SPON1: variants seen among roughly 807,000 people sequenced by gnomAD.
The protein encoded by SPON1 is spondin 1.
Under a neutral mutation model 111.7 loss-of-function variants are expected in SPON1, and 52 were observed. That is an observed-to-expected ratio of 0.47 (90% CI 0.37 to 0.59). The LOEUF (loss-of-function observed/expected upper bound fraction) is 0.59, where lower values mean the gene tolerates loss of function less well. Ranked by LOEUF, SPON1 falls within the 20% of genes least tolerant of loss-of-function variation. The pLI is 0.00. For synonymous variants in SPON1, 410 were observed against 395.8 expected, an observed-to-expected ratio of 1.04 and a Z score of -0.43; for missense variants, 957 against 1,068.5, an observed-to-expected ratio of 0.90 and a Z score of 1.46.
At chr11:14,250,427 A>G (rs1591427130) in intron 7 of SPON1, among the ~76,000 whole-genome samples, 1 of 148,034 alleles carries the variant, frequency 6.8e-6, no homozygotes, top group African/African-American at 2.5e-5. Context: ...TATTACAGTT[A>G]ACTTAGCCCA....
At chr11:13,985,491 C>T (rs1310499112) in intron 2 of SPON1, among the ~76,000 whole-genome samples, 6 of 151,992 alleles carry the variant, frequency 3.9e-5, no homozygotes, top group African/African-American at 1.5e-4. Flanking sequence ...CCTAAGATGC[C>T]CAGCTCTAAG....
intron 3 of SPON1, among the ~76,000 whole-genome samples, chr11:14,067,841 T>C (rs1161832632): frequency 1.3e-5 from 2 of 152,200 alleles, no homozygotes; most frequent in Non-Finnish European, 2.9e-5. Flanking sequence ...AGGGAATGGA[T>C]GCTGGGTAGA....
chr11:14,005,996 G>A (rs1340434434), intron 2 of SPON1, among the ~76,000 whole-genome samples: 1 of 152,126 alleles, frequency 6.6e-6, no homozygotes, highest in Non-Finnish European at 1.5e-5. Flanking sequence ...CAATTAACAT[G>A]ATGTCTAACA....
intron 1 of SPON1, among the ~76,000 whole-genome samples, chr11:13,964,953 T>C (rs932616379): frequency 6.7e-6 from 1 of 149,562 alleles, no homozygotes; most frequent in Non-Finnish European, 1.5e-5. Context: ...GTGCAAGTCA[T>C]TTAATTTCTC....
intron 6 of SPON1, among the ~76,000 whole-genome samples, chr11:14,142,945 G>A (rs1257490942): frequency 1.3e-5 from 2 of 152,194 alleles, no homozygotes; most frequent in Non-Finnish European, 2.9e-5. Flanking sequence ...CCCAGTGTCA[G>A]GTGGTCTTTT....
At chr11:14,044,336 A>G (rs7102483) in intron 3 of SPON1, among the ~76,000 whole-genome samples, 61,292 of 152,094 alleles carry the variant, frequency 0.4, 13,290 homozygotes, top group South Asian at 0.57. Context: ...TCTTGGCTGG[A>G]CACAGTGGCT....
intron 1 of SPON1, among the ~76,000 whole-genome samples, chr11:13,969,011 A>T (rs1447413103): frequency 6.6e-6 from 1 of 152,130 alleles, no homozygotes; most frequent in African/African-American, 2.4e-5. Flanking sequence ...AAAACACAAT[A>T]TATCTTACTT....
intron 6 of SPON1, among the ~76,000 whole-genome samples, chr11:14,166,968 G>C (rs7479718): frequency 0.37 from 56,751 of 151,866 alleles, 11,079 homozygotes; most frequent in East Asian, 0.55. Context: ...AAATATTTTA[G>C]GGCAGCCACA....
At chr11:14,176,725 G>A (rs1554933120) in intron 6 of SPON1, among the ~76,000 whole-genome samples, 2 of 152,168 alleles carry the variant, frequency 1.3e-5, no homozygotes, top group East Asian at 3.8e-4. Context: ...CCCACCAGTA[G>A]AGAGAGTACC....
At chr11:14,225,351 A>G (rs1554938024) in intron 6 of SPON1, among the ~76,000 whole-genome samples, 1 of 152,160 alleles carries the variant, frequency 6.6e-6, no homozygotes. Flanking sequence ...GGAAAAATTT[A>G]TTATAAAAAT....
At chr11:14,234,062 A>G (rs11023156) in intron 6 of SPON1, among the ~76,000 whole-genome samples, 33,116 of 151,970 alleles carry the variant, frequency 0.22, 3,827 homozygotes, top group Admixed American at 0.32. Context: ...CCCGACCCCC[A>G]GTGCTGTTTC....
chr11:14,089,446 G>A (rs1849032606), intron 5 of SPON1, among the ~76,000 whole-genome samples: 2 of 152,134 alleles, frequency 1.3e-5, no homozygotes, highest in South Asian at 4.1e-4. Context: ...CTGTTCTCGT[G>A]GGTATCACCA....
intron 5 of SPON1, among the ~76,000 whole-genome samples, chr11:14,115,529 T>C (rs1370271593): frequency 3.9e-5 from 6 of 152,236 alleles, no homozygotes; most frequent in Admixed American, 6.5e-5. Context: ...ATCTGGCTTC[T>C]TTTGTTTATA....
intron 6 of SPON1, among the ~76,000 whole-genome samples, chr11:14,239,227 G>A (rs1848897775): frequency 6.6e-6 from 1 of 152,190 alleles, no homozygotes; most frequent in Non-Finnish European, 1.5e-5. Flanking sequence ...GGCAGCGCAA[G>A]TCAATTCTGA....
chr11:13,965,460 G>A (rs1848009037), intron 1 of SPON1, among the ~76,000 whole-genome samples: 1 of 152,126 alleles, frequency 6.6e-6, no homozygotes, highest in Admixed American at 6.5e-5. Flanking sequence ...TATTCACGGG[G>A]CCAAAGAGGT....
At chr11:13,968,508 T>C (rs1848036963) in intron 1 of SPON1, among the ~76,000 whole-genome samples, 1 of 152,272 alleles carries the variant, frequency 6.6e-6, no homozygotes, top group African/African-American at 2.4e-5. Context: ...TAATTGTGTA[T>C]TATTACATAT....
chr11:14,026,192 T>C (rs1848516859), intron 2 of SPON1, among the ~76,000 whole-genome samples: 1 of 152,220 alleles, frequency 6.6e-6, no homozygotes, highest in Admixed American at 6.5e-5. Flanking sequence ...CACCTTCAGG[T>C]GCACAAAGAC....
chr11:14,176,767 G>A (rs112965218), intron 6 of SPON1, among the ~76,000 whole-genome samples: 25 of 152,266 alleles, frequency 1.6e-4, no homozygotes, highest in African/African-American at 4.6e-4. Context: ...AGAACTAGGC[G>A]ACTGCTTGGG....
intron 6 of SPON1, among the ~76,000 whole-genome samples, chr11:14,211,736 G>A (rs562394312): frequency 1.3e-5 from 2 of 152,050 alleles, no homozygotes; most frequent in Admixed American, 6.5e-5. Flanking sequence ...TAATATATTG[G>A]GCATAGTAAT....
Sources: allele counts gnomAD v4.1 joint callset (sites outside exome capture counted in the v4.1 genomes callset), GRCh38; gene constraint gnomAD v4.1.1; transcripts MANE v1.5; gene names NCBI Gene and HGNC (gene_info 2026-07-23, HGNC 2026-07-21).